Variants in ELAC2 observed in about 807,000 individuals in gnomAD.
The protein encoded by ELAC2 is zinc phosphodiesterase ELAC protein 2.
ELAC2 carries 92 observed loss-of-function variants against 105.2 expected under a neutral mutation model. That is an observed-to-expected ratio of 0.87 (90% CI 0.74 to 1.04). The LOEUF is 1.04. Among genes scored for constraint, ELAC2 ranks in the 50% least tolerant of loss-of-function variants. The pLI is 0.00. For synonymous variants in ELAC2, 468 were observed against 409.1 expected, an observed-to-expected ratio of 1.14 and a Z score of -1.74; for missense variants, 1,099 against 1,071.7, an observed-to-expected ratio of 1.03 and a Z score of -0.36.
rs922150050 is a variant in ELAC2 at position 12,992,354 on chromosome 17, C to G, written c.*464G>C. On this transcript the variant is annotated 3_prime_UTR_variant, in exon 24 of 24. Coordinates refer to ENST00000338034, the MANE Select transcript of ELAC2 (RefSeq NM_018127.7). ...AAGGTGGTGCACAGCAGACCCTGCT[C>G]TGTAGCAGCAGCAGGAGGAAGCAAA... 15 of 241,412 alleles carry G rather than the reference C, an allele frequency of 6.2e-5. No individual in the cohort carries two copies. Among genetic ancestry groups the G allele is most frequent in the Middle Eastern group, 2.2e-3 (2 of 922 alleles). 15.0% of individuals were successfully genotyped at this position (241,412 alleles called of 1,614,324 possible). A position where few individuals can be genotyped will look rare whatever the true frequency, so the allele number is the denominator to read the frequency against.
intron 23 of ELAC2, 117 bp from the exon 24 acceptor site, chr17:12,993,162 C>A (rs2040280619): frequency 9.2e-7 from 1 of 1,086,972 alleles, no homozygotes; most frequent in Non-Finnish European, 1.4e-6. Context: ...TTCCTTGGCA[C>A]AAGCCAACAG....
chr17:12,994,807 G>C lies in ELAC2; in HGVS notation c.1986C>G (p.Val662=), dbSNP rs772271496. The C allele has an allele frequency of 3.7e-6, 6 of 1,613,944 alleles. No homozygotes were observed. In the South Asian group the frequency reaches 5.5e-5, roughly 15 times the overall value. ...CGCAGGGCATGGTGTCCCCGGAATA[G>C]ACCACTTTCCAGCCAGAGGTGTGCA... ...ALVHTSGWKV[V]YSGDTMPCEA... The change falls in exon 21 of 24, where the codon GTC becomes GTG. Residue 662 remains valine (V), a synonymous_variant. Coordinates refer to ENST00000338034, the MANE Select transcript of ELAC2 (RefSeq NM_018127.7).
chr17:12,998,694 G>A lies in ELAC2; in HGVS notation c.1424-186C>T, dbSNP rs957952393. ...TGGAAGGCGTTTGGGCTACAGGGAC[G>A]GACCCTCCTGAGTGGCTTGGAGCTG... On this transcript the variant is annotated intron_variant, in intron 15 of 23. Transcript: ENST00000338034. 3.3e-5 allele frequency among the ~76,000 whole-genome samples: 5 copies of A among 152,180 alleles called. No homozygotes were observed. In the East Asian group the frequency reaches 5.8e-4, roughly 18 times the overall value.
chr17:12,996,672 G>A lies in ELAC2; in HGVS notation c.1534C>T (p.Leu512=), dbSNP rs1376037551. 3 of 1,613,642 alleles carry A rather than the reference G, an allele frequency of 1.9e-6. No homozygotes were observed. In the East Asian group the frequency reaches 6.7e-5, roughly 36 times the overall value. The change falls in exon 17 of 24, where the codon CTG becomes TTG. Residue 512 remains leucine (L), a synonymous_variant. Coordinates refer to ENST00000338034, the MANE Select transcript of ELAC2 (RefSeq NM_018127.7). ...GTGCCCTCACCACAGTCCAGTAGCA[G>A]AGACGTGTCGGGGCTGCAGAAGAGA... is the stretch of plus-strand genomic sequence containing the variant. ...TLVNISPDTS[L]LLDCGEGTFG...
At chr17:13,008,384 C>T (rs2041227747) in intron 8 of ELAC2, among the ~76,000 whole-genome samples, 1 of 151,872 alleles carries the variant, frequency 6.6e-6, no homozygotes, top group South Asian at 2.1e-4. Context: ...TGGTGGTGCG[C>T]TCCTGTAGTC....
chr17:13,016,030 A>G (rs1409499718), intron 3 of ELAC2, among the ~76,000 whole-genome samples, 198 bp from the exon 4 acceptor site: 1 of 152,272 alleles, frequency 6.6e-6, no homozygotes, highest in Non-Finnish European at 1.5e-5. Context: ...AAATGCCTCT[A>G]GAATGGGCTG....
chr17:13,006,118 TC>T, intron 8 of ELAC2, 139 bp from the exon 9 acceptor site: 2 of 871,688 alleles, frequency 2.3e-6, no homozygotes, highest in Non-Finnish European at 3.7e-6. Context: ...CGCCTGTAAT[TC>T]CAGTACTTTC....
chr17:13,011,515 C>T lies in ELAC2; in HGVS notation c.679+148G>A, dbSNP rs73981621. ...CTTTACAACAACCCTTCTCATTCCC[C>T]CAACGGGCCAAGTTATAGTAAGCCC... is the stretch of plus-strand genomic sequence containing the variant. On this transcript the variant is annotated intron_variant, in intron 7 of 23. Transcript: ENST00000338034. 0.28 allele frequency: 382,397 copies of T among 1,348,842 alleles called. 56,560 individuals carry two copies. The highest frequency in any genetic ancestry group is 0.34 in the Middle Eastern group (1,718 of 5,002). 83.6% of individuals were successfully genotyped at this position (1,348,842 alleles called of 1,614,324 possible).
chr17:12,994,372 G>C (rs755559592), intron 22 of ELAC2, 53 bp downstream of exon 22: 121 of 1,597,442 alleles, frequency 7.6e-5, no homozygotes, highest in Middle Eastern at 3.3e-4. Flanking sequence ...TCAGTGTCAC[G>C]TAGTGGGGGA....
chr17:13,002,825 T>G (rs1010817124), intron 12 of ELAC2: 3 of 574,716 alleles, frequency 5.2e-6, no homozygotes, highest in African/African-American at 1.9e-5. Flanking sequence ...AAAAAGAAGA[T>G]GTCCAGGGCA....
intron 16 of ELAC2, 138 bp from the exon 17 acceptor site, chr17:12,996,823 A>G: frequency 3.5e-6 from 4 of 1,155,960 alleles, no homozygotes; most frequent in Non-Finnish European, 5.0e-6. Flanking sequence ...AGGAGCTAAT[A>G]TAAAAGCCAA....
intron 18 of ELAC2, 54 bp from the exon 19 acceptor site, chr17:12,995,866 T>C: frequency 1.3e-6 from 2 of 1,585,240 alleles, no homozygotes; most frequent in Admixed American, 1.8e-5. Flanking sequence ...CAATAAAAAC[T>C]GGAGTGCCAA....
chr17:13,016,902 G>A lies in ELAC2; in HGVS notation c.327C>T (p.Phe109=). The change falls in exon 3 of 24, where the codon TTC becomes TTT. Residue 109 remains phenylalanine, a synonymous_variant. Coordinates refer to ENST00000338034, the MANE Select transcript of ELAC2 (RefSeq NM_018127.7). ...CATTAGACCAGTGCATTCGTGTCAG[G>A]AATATGTTGTCCAGGCGAGCAACCT... The part of the protein sequence containing the change: ...KLKVARLDNI[F]LTRMHWSNVG... 6.2e-7 allele frequency: 1 copy of A among 1,614,104 alleles called. No individual in the cohort carries two copies. The highest frequency in any genetic ancestry group is 1.1e-5 in the South Asian group (1 of 91,072).
At chr17:13,004,424 G>C (rs1172557047) in intron 11 of ELAC2, among the ~76,000 whole-genome samples, 2 of 152,190 alleles carry the variant, frequency 1.3e-5, no homozygotes, top group Admixed American at 1.3e-4. Flanking sequence ...CATTAAGAGT[G>C]GGGGAAAAGA....
chr17:13,016,040 G>A (rs1050076257), intron 3 of ELAC2, among the ~76,000 whole-genome samples: 17 of 152,306 alleles, frequency 1.1e-4, no homozygotes, highest in African/African-American at 3.8e-4. Flanking sequence ...AGAATGGGCT[G>A]AGCTGTCACT....
At chr17:13,000,543 T>C in intron 14 of ELAC2, 1 of 478,764 alleles carries the variant, frequency 2.1e-6, no homozygotes, top group Non-Finnish European at 3.9e-6. Context: ...GCTGTCCTGG[T>C]GCAGTACCCC....
In ELAC2 at chr17:12,995,054, G is replaced by A. The variant is rs1304221152; in HGVS notation, c.1817C>T (p.Pro606Leu). ...AGCCCCTTCCTGAAGGCATTTGGCA[G>A]GAATCATACTGTAAAAAGACAAAAC... is the stretch of plus-strand genomic sequence containing the variant. Reference protein sequence around the residue: ...QEVLHHISMIPAKCLQEGAEI... With the variant: ...QEVLHHISMILAKCLQEGAEI... Residue 606 changes from proline (P) to leucine (L), a missense_variant, in exon 20 of 24, where the codon CCT becomes CTT. Physicochemically the swap from Pro to Leu is moderately conservative, Grantham distance 98 (BLOSUM62 -3). Transcript: ENST00000338034. 2.5e-6 allele frequency: 4 copies of A among 1,614,104 alleles called. No individual in the cohort carries two copies. Among genetic ancestry groups the A allele is most frequent in the Admixed American group, 3.3e-5 (2 of 60,028 alleles).
At position 13,017,789 on chromosome 17, in the gene ELAC2, G is replaced by C. The variant is rs200251607; in HGVS notation, c.159C>G (p.Gly53=). The change falls in exon 1 of 24, where the codon GGC becomes GGG. Residue 53 remains glycine, a synonymous_variant. Coordinates refer to ENST00000338034, the MANE Select transcript of ELAC2 (RefSeq NM_018127.7). ...CCTGCAGGTACACGGTGTTTGGGCCGCCGGAGCACCCCGACGGTCCGCGCT... is the reference window on the plus strand; with the variant it reads ...CCTGCAGGTACACGGTGTTTGGGCCCCCGGAGCACCCCGACGGTCCGCGCT... ...REKRGPSGCS[G]GPNTVYLQVV... is the part of the protein sequence containing the mutation. The C allele has an allele frequency of 6.2e-7, 1 of 1,608,304 alleles. No individual in the cohort carries two copies. Among genetic ancestry groups the C allele is most frequent in the Non-Finnish European group, 8.5e-7 (1 of 1,178,084 alleles).
At position 12,992,111 on chromosome 17, in the gene ELAC2, G is replaced by A. The variant is rs550816235; in HGVS notation, c.*707C>T. On this transcript the variant is annotated 3_prime_UTR_variant, in exon 24 of 24. Coordinates refer to ENST00000338034, the MANE Select transcript of ELAC2 (RefSeq NM_018127.7). ...CTGACCAATGACACCAGCCCAGCCA[G>A]GCTCTCACTGATTGATTTGATTGAT... Among the ~76,000 whole-genome samples, 6 of 149,768 alleles carry A rather than the reference G, an allele frequency of 4.0e-5. No individual in the cohort carries two copies. In the East Asian group the frequency reaches 1.2e-3, roughly 29 times the overall value.
Sources: gnomAD v4.1 joint callset for allele counts (sites outside exome capture counted in the v4.1 genomes callset) on GRCh38, gnomAD v4.1.1 for gene constraint, MANE v1.5 for transcripts, NCBI Gene and HGNC (gene_info 2026-07-23, HGNC 2026-07-21) for gene names.